The following GUCY2F variants were observed in gnomAD, a reference collection of about 807,000 sequenced individuals.
GUCY2F encodes retinal guanylyl cyclase 2.
Under a neutral mutation model 73.1 loss-of-function variants are expected in GUCY2F, and 61 were observed. The observed-to-expected ratio is 0.83, with a 90% CI of 0.68 to 1.03. GUCY2F has a LOEUF of 1.03. GUCY2F is among the 50% of genes least tolerant of loss of function. GUCY2F has a pLI of 0.00. For missense variants in GUCY2F, 912 were observed against 854.3 expected, an observed-to-expected ratio of 1.07 and a Z score of -0.84; for synonymous variants, 331 against 307.8, an observed-to-expected ratio of 1.08 and a Z score of -0.79.
chrX:109,449,567 G>T (rs1237724263), intron 5 of GUCY2F, among the ~76,000 whole-genome samples: 1 of 112,037 alleles, frequency 8.9e-6, no homozygotes, highest in African/African-American at 3.2e-5. Flanking sequence ...TGCAGATTCT[G>T]CCATTAATTA....
Position 109,392,939 on chromosome X carries a change from T to G in GUCY2F, c.2541A>C (p.Glu847Asp). ...GCTTTTCCGTTTTCTGTTTTTCAAT[T>G]TCCAGCTCTTCAGTCCGCTCCCGAA... ...DLIRERTEEL[E>D]IEKQKTEKLL... Residue 847 changes from glutamate to aspartate, a missense_variant, in exon 13 of 20, where the codon GAA (glutamate) becomes GAC (aspartate). Glu to Asp is a conservative substitution (Grantham distance 45). Coordinates refer to ENST00000218006, the MANE Select transcript of GUCY2F (RefSeq NM_001522.3). 1 of 1,187,432 alleles carries G rather than the reference T, an allele frequency of 8.4e-7. No individual in the cohort carries two copies. Among genetic ancestry groups the G allele is most frequent in the East Asian group, 3.0e-5 (1 of 33,738 alleles).
intron 10 of GUCY2F, among the ~76,000 whole-genome samples, chrX:109,401,570 G>C (rs1270464615): frequency 8.9e-6 from 1 of 111,931 alleles, no homozygotes; most frequent in Non-Finnish European, 1.9e-5. Flanking sequence ...CAAATATTCT[G>C]TCAGGAACTG....
At chrX:109,386,457 TAGAG>T (rs1401660919) in intron 15 of GUCY2F, among the ~76,000 whole-genome samples, 1 of 111,252 alleles carries the variant, frequency 9.0e-6, no homozygotes, top group Non-Finnish European at 1.9e-5. Flanking sequence ...GGGAAGCTCT[TAGAG>T]AGAACAGTCT....
At chrX:109,411,586 G>T (rs1490277005) in intron 8 of GUCY2F, among the ~76,000 whole-genome samples, 2 of 111,837 alleles carry the variant, frequency 1.8e-5, no homozygotes, top group African/African-American at 6.5e-5. Flanking sequence ...CAGATTTTGG[G>T]GAATCTGACC....
chrX:109,443,281 A>C lies in GUCY2F; in HGVS notation c.1570-1799T>G, dbSNP rs954449628. On this transcript the variant is annotated intron_variant, in intron 6 of 19. Transcript: ENST00000218006. ...TTTTCCACCTCGGCCAAAATAGTAA[A>C]AAAAATAAAATGAAATAAAACAATT... Among the ~76,000 whole-genome samples, 4 of 111,914 alleles carry C rather than the reference A, an allele frequency of 3.6e-5. No individual in the cohort carries two copies. The South Asian group carries it at 1.5e-3, about 42-fold the overall frequency.
chrX:109,398,541 C>T lies in GUCY2F; in HGVS notation c.2275+8G>A. 5 of 1,205,723 alleles carry T rather than the reference C, an allele frequency of 4.1e-6. No individual in the cohort carries two copies. Among genetic ancestry groups the T allele is most frequent in the South Asian group, 1.8e-5 (1 of 56,014 alleles). The stretch of plus-strand genomic sequence containing the variant: ...ACCCCTGGGGCCCTTTTCTCACCTC[C>T]CGCTTACCTTGAGCTGGCAGATCCA... On this transcript the variant is annotated splice_region_variant and intron_variant, in intron 11 of 19. Transcript: ENST00000218006.
chrX:109,410,435 C>T (rs2147261420), intron 8 of GUCY2F, among the ~76,000 whole-genome samples: 1 of 112,332 alleles, frequency 8.9e-6, no homozygotes, highest in Non-Finnish European at 1.9e-5. Flanking sequence ...ATATAAACAT[C>T]AGGCCAGAGC....
At chrX:109,439,249 G>A (rs957503027) in intron 7 of GUCY2F, among the ~76,000 whole-genome samples, 1 of 111,633 alleles carries the variant, frequency 9.0e-6, no homozygotes, top group African/African-American at 3.3e-5. Context: ...GCCCTGGACC[G>A]CATCAGTGTC....
At chrX:109,392,613 C>G (rs1930593342) in intron 13 of GUCY2F, among the ~76,000 whole-genome samples, 1 of 110,616 alleles carries the variant, frequency 9.0e-6, no homozygotes, top group Non-Finnish European at 1.9e-5. Context: ...GGTCAACCTC[C>G]TAGCAAAGTC....
intron 8 of GUCY2F, among the ~76,000 whole-genome samples, chrX:109,425,908 G>A (rs972359169): frequency 3.6e-5 from 4 of 111,449 alleles, no homozygotes; most frequent in Non-Finnish European, 7.5e-5. Context: ...AGTAAAAATC[G>A]AGAAAGAGAA....
chrX:109,417,103 G>A lies in GUCY2F; in HGVS notation c.1792-7935C>T, dbSNP rs758429046. 6.3e-5 allele frequency among the ~76,000 whole-genome samples: 7 copies of A among 111,078 alleles called. No individual in the cohort carries two copies. In the South Asian group the frequency reaches 2.6e-3, roughly 41 times the overall value. ...TCAGCAGGCCTGCAATACAAGTAAT[G>A]CCTAAGGGGAGGATCTTCAGGTTGA... is the stretch of plus-strand genomic sequence containing the variant. On this transcript the variant is annotated intron_variant, in intron 8 of 19. Transcript: ENST00000218006.
At chrX:109,448,822 CT>C (rs1932080082) in intron 5 of GUCY2F, among the ~76,000 whole-genome samples, 2 of 112,168 alleles carry the variant, frequency 1.8e-5, no homozygotes, top group South Asian at 7.4e-4. Context: ...AACAAGTAGG[CT>C]GACTGAGTTT....
chrX:109,448,201 C>T (rs963430561), intron 5 of GUCY2F, 36 bp from the exon 6 acceptor site: 2 of 736,082 alleles, frequency 2.7e-6, no homozygotes, highest in Middle Eastern at 5.8e-4. Flanking sequence ...TCACAAGGGA[C>T]TGGGTGTTTT....
intron 7 of GUCY2F, among the ~76,000 whole-genome samples, chrX:109,437,747 G>A (rs1331154608): frequency 8.9e-6 from 1 of 112,911 alleles, no homozygotes; most frequent in East Asian, 2.8e-4. Context: ...AACCAAGATT[G>A]AGAACTTAGT....
intron 8 of GUCY2F, among the ~76,000 whole-genome samples, chrX:109,422,533 TC>T (rs1174532894): frequency 8.9e-6 from 1 of 111,835 alleles, no homozygotes; most frequent in Non-Finnish European, 1.9e-5. Flanking sequence ...AAATTTTATG[TC>T]TTTTTAGCAG....
intron 2 of GUCY2F, among the ~76,000 whole-genome samples, chrX:109,468,592 C>G (rs952654777): frequency 1.8e-5 from 2 of 111,642 alleles, no homozygotes; most frequent in African/African-American, 6.5e-5. Flanking sequence ...TACCCTCAAC[C>G]CTAAATCTCT....
chrX:109,458,246 C>T (rs1932297329), intron 3 of GUCY2F, among the ~76,000 whole-genome samples: 1 of 112,123 alleles, frequency 8.9e-6, no homozygotes, highest in African/African-American at 3.2e-5. Flanking sequence ...TGGAATAAAA[C>T]ACAACAAGCC....
At chrX:109,432,822 G>A (rs1049247455) in intron 7 of GUCY2F, among the ~76,000 whole-genome samples, 2 of 112,224 alleles carry the variant, frequency 1.8e-5, no homozygotes, top group Non-Finnish European at 3.8e-5. Context: ...GGCTTTAGGA[G>A]AGGGGGTGAG....
intron 3 of GUCY2F, among the ~76,000 whole-genome samples, chrX:109,462,711 A>C (rs1307703275): frequency 8.9e-6 from 1 of 111,819 alleles, no homozygotes; most frequent in African/African-American, 3.3e-5. Flanking sequence ...ACATACATAC[A>C]TGTGCACACA....
Sources: allele counts gnomAD v4.1 joint callset (sites outside exome capture counted in the v4.1 genomes callset), GRCh38; gene constraint gnomAD v4.1.1; transcripts MANE v1.5; gene names NCBI Gene and HGNC (gene_info 2026-07-23, HGNC 2026-07-21).